HAS3: variants seen among roughly 807,000 people sequenced by gnomAD.
HAS3 encodes hyaluronan synthase 3.
HAS3 carries 27 observed loss-of-function variants against 50.3 expected under a neutral mutation model. That is an observed-to-expected ratio of 0.54 (90% confidence interval 0.40 to 0.74). The LOEUF (loss-of-function observed/expected upper bound fraction) is 0.74, where lower values mean the gene tolerates loss of function less well. Among genes scored for constraint, HAS3 ranks in the 30% least tolerant of loss-of-function variants. The pLI is 0.00. For synonymous variants in HAS3, 339 were observed against 310.9 expected, an observed-to-expected ratio of 1.09 and a Z score of -0.95; for missense variants, 517 against 742.8, an observed-to-expected ratio of 0.70 and a Z score of 3.53.
the HAS3 span, among the ~76,000 whole-genome samples, chr16:69,096,876 C>T: frequency 6.6e-6 from 1 of 151,836 alleles, no homozygotes; most frequent in African/African-American, 2.4e-5. Context: ...CTCAGCCTCC[C>T]AAAGTGCTGG....
At chr16:69,085,325 C>T in the HAS3 span, 2 of 152,348 alleles carry the variant, frequency 1.3e-5, no homozygotes, top group South Asian at 4.1e-4. Flanking sequence ...AAGACACTAT[C>T]TAGTCCAAAA....
At position 69,116,285 on chromosome 16, in the gene HAS3, GGCGGA is replaced by G. The variant is rs1961176984; in HGVS notation, c.*1022_*1026del. ...GTAAGGTTTTCAAGGTGGCAATTGG[GGCGGA>G]GCCCCGGCTCTTATAGAAGCTTCAG... On this transcript the variant is annotated 3_prime_UTR_variant, in exon 4 of 4. Coordinates refer to ENST00000569188, the MANE Select transcript of HAS3 (RefSeq NM_001199280.2). 1.0e-6 allele frequency: 1 copy of G among 985,632 alleles called. No homozygotes were observed. Among genetic ancestry groups the G allele is most frequent in the African/African-American group, 1.7e-5 (1 of 57,254 alleles). The allele number at this position is 985,632 out of a possible 1,614,324, so 61.1% of individuals were successfully genotyped here.
the HAS3 span, among the ~76,000 whole-genome samples, chr16:69,095,727 T>A: frequency 6.6e-6 from 1 of 151,642 alleles, no homozygotes; most frequent in South Asian, 2.1e-4. Flanking sequence ...AAAAAAAAAA[T>A]TAACTGCTGC....
At position 69,116,051 on chromosome 16, in the gene HAS3, C is replaced by T. The variant is rs1961167996; in HGVS notation, c.*785C>T. ...ACGTCTAGATGGGTTCTTAGCTTGT[C>T]TGTGATCTCTGCTGGGGAGATAAAA... On this transcript the variant is annotated 3_prime_UTR_variant, in exon 4 of 4. Coordinates refer to ENST00000569188, the MANE Select transcript of HAS3 (RefSeq NM_001199280.2). The T allele has an allele frequency of 1.0e-6, 1 of 985,620 alleles. No homozygotes were observed. The highest frequency in any genetic ancestry group is 1.2e-6 in the Non-Finnish European group (1 of 829,814). 61.1% of individuals were successfully genotyped at this position (985,620 alleles called of 1,614,324 possible). A position where few individuals can be genotyped will look rare whatever the true frequency, so the allele number is the denominator to read the frequency against.
In HAS3 at chr16:69,109,129, C is replaced by T. The variant is rs1077518; in HGVS notation, c.1-267C>T. 1.3e-5 allele frequency among the ~76,000 whole-genome samples: 2 copies of T among 152,180 alleles called. No homozygotes were observed. The highest frequency in any genetic ancestry group is 1.9e-4 in the East Asian group (1 of 5,196). On this transcript the variant is annotated intron_variant, in intron 1 of 3. Transcript: ENST00000569188. This position sits in a 1 kb window ranked among gnomAD's most constrained non-coding sequence, Gnocchi z 5.3. ...GCTACACTAAGGGCTTTGTATGTGT[C>T]GCCCATTTAACCCTCAAAGATGCCT... is the stretch of plus-strand genomic sequence containing the variant.
In HAS3 at chr16:69,116,444, T is replaced by G. The variant is rs1961185665; in HGVS notation, c.*1178T>G. 1.0e-6 allele frequency: 1 copy of G among 985,758 alleles called. No homozygotes were observed. Among genetic ancestry groups the G allele is most frequent in the South Asian group, 4.7e-5 (1 of 21,292 alleles). 61.1% of individuals were successfully genotyped at this position (985,758 alleles called of 1,614,324 possible). A position where few individuals can be genotyped will look rare whatever the true frequency, so the allele number is the denominator to read the frequency against. ...TTAGCATGTGTGACTTTCAGGCTACTGTTCTTGACAATCATCTCCAATGGA... is the reference window on the plus strand; with the variant it reads ...TTAGCATGTGTGACTTTCAGGCTACGGTTCTTGACAATCATCTCCAATGGA... On this transcript the variant is annotated 3_prime_UTR_variant, in exon 4 of 4. Transcript: ENST00000569188.
At chr16:69,088,466 G>A in the HAS3 span, among the ~76,000 whole-genome samples, 2 of 151,472 alleles carry the variant, frequency 1.3e-5, no homozygotes, top group African/African-American at 4.9e-5. Context: ...AGGCTGAGGC[G>A]GGAGAATCAC....
chr16:69,099,589 G>T, the HAS3 span, among the ~76,000 whole-genome samples: 1 of 151,908 alleles, frequency 6.6e-6, no homozygotes, highest in Non-Finnish European at 1.5e-5. Flanking sequence ...GCCTCCCAAA[G>T]TGCTGGCATT....
chr16:69,095,428 G>A, the HAS3 span, among the ~76,000 whole-genome samples: 1 of 152,158 alleles, frequency 6.6e-6, no homozygotes, highest in East Asian at 1.9e-4. Flanking sequence ...GCCTCTCGGT[G>A]CCAGAAATGC....
In HAS3 at chr16:69,107,420, G is replaced by A. The variant is rs1260119278; in HGVS notation, c.-1+1633G>A. ...TACCAGGAAGAGCAGGGCCTGGTCC[G>A]ACTGGGATCCCTTGGGTTTTCCGTT... On this transcript the variant is annotated intron_variant, in intron 1 of 3. Transcript: ENST00000569188. This position sits in a 1 kb window ranked among gnomAD's most constrained non-coding sequence, Gnocchi z 5.5. 2 of 985,420 alleles carry A rather than the reference G, an allele frequency of 2.0e-6. No individual in the cohort carries two copies. Among genetic ancestry groups the A allele is most frequent in the Admixed American group, 6.1e-5 (1 of 16,274 alleles). The allele number at this position is 985,420 out of a possible 1,614,324, so 61.0% of individuals were successfully genotyped here.
At position 69,109,399 on chromosome 16, in the gene HAS3, C is replaced by A; in HGVS notation, c.4C>A (p.Pro2Thr). 6.3e-7 allele frequency: 1 copy of A among 1,599,990 alleles called. No individual in the cohort carries two copies. Among genetic ancestry groups the A allele is most frequent in the Admixed American group, 1.7e-5 (1 of 59,472 alleles). Residue 2 changes from proline to threonine, a missense_variant, in exon 2 of 4, where the codon CCG becomes ACG. Physicochemically the swap from Pro to Thr is conservative, Grantham distance 38. Coordinates refer to ENST00000569188, the MANE Select transcript of HAS3 (RefSeq NM_001199280.2). The surrounding 1 kb of genome is among the most constrained non-coding windows in gnomAD (Gnocchi z 5.3). The stretch of plus-strand genomic sequence containing the variant: ...ATCTCCTGCCTTCTCTCGCCAGATG[C>A]CGGTGCAGCTGACGACAGCCCTGCG... Reference protein sequence around the residue: MPVQLTTALRVV... With the variant: MTVQLTTALRVV...
At position 69,114,897 on chromosome 16, in the gene HAS3, G is replaced by A. The variant is rs1290448056; in HGVS notation, c.1293G>A (p.Arg431=). Residue 431 remains arginine (R), a synonymous_variant, in exon 4 of 4, where the codon CGG becomes CGA. Coordinates refer to ENST00000569188, the MANE Select transcript of HAS3 (RefSeq NM_001199280.2). This position sits in a 1 kb window ranked among gnomAD's most constrained non-coding sequence, Gnocchi z 6.4. ...AGGCCACCTACGCCTGCTTCCTTCGGGGCAATGCAGAGATGATCTTCATGT... is the reference window on the plus strand; with the variant it reads ...AGGCCACCTACGCCTGCTTCCTTCGAGGCAATGCAGAGATGATCTTCATGT... ...IIKATYACFL[R]GNAEMIFMSL... 1 of 1,614,028 alleles carries A rather than the reference G, an allele frequency of 6.2e-7. No individual in the cohort carries two copies. Among genetic ancestry groups the A allele is most frequent in the Admixed American group, 1.7e-5 (1 of 60,018 alleles).
chr16:69,118,007 G>A (rs1015287502), downstream of HAS3: 23 of 309,150 alleles, frequency 7.4e-5, no homozygotes, highest in Non-Finnish European at 1.2e-4. Context: ...AGTGACACCA[G>A]CAGCCCTCTC....
intron 2 of HAS3, 70 bp downstream of exon 2, chr16:69,110,101 A>G (rs1409630523): frequency 2.1e-6 from 3 of 1,450,276 alleles, no homozygotes; most frequent in African/African-American, 2.8e-5. Context: ...CTCTCCGCCA[A>G]GAATCTGAGG....
chr16:69,094,836 A>C, the HAS3 span, among the ~76,000 whole-genome samples: 58 of 152,274 alleles, frequency 3.8e-4, no homozygotes, highest in Admixed American at 3.5e-3. Flanking sequence ...GGTGTATCGG[A>C]GAGACCTGGG....
Position 69,109,909 on chromosome 16 carries a change from G to C in HAS3, c.514G>C (p.Asp172His). 1 of 1,614,076 alleles carries C rather than the reference G, an allele frequency of 6.2e-7. No individual in the cohort carries two copies. The highest frequency in any genetic ancestry group is 8.5e-7 in the Non-Finnish European group (1 of 1,180,044). Residue 172 changes from aspartate (D) to histidine (H), a missense_variant, in exon 2 of 4, where the codon GAC becomes CAC. By Grantham distance (81) the Asp-to-His change is moderately conservative. Coordinates refer to ENST00000569188, the MANE Select transcript of HAS3 (RefSeq NM_001199280.2). The surrounding 1 kb of genome is among the most constrained non-coding windows in gnomAD (Gnocchi z 5.3). ...ETEASLQEGM[D>H]RVRDVVRAST... ...GGAGGCCAGCCTGCAGGAGGGCATG[G>C]ACCGTGTGCGGGATGTGGTGCGGGC...
At position 69,109,356 on chromosome 16, in the gene HAS3, C is replaced by A; in HGVS notation, c.1-40C>A. ...ATGCTCCCACGGACTGGAAATGCTG[C>A]CTCCTGCCTGACCCTTCATCTCCTG... is the stretch of plus-strand genomic sequence containing the variant. On this transcript the variant is annotated intron_variant, in intron 1 of 3. Transcript: ENST00000569188. The surrounding 1 kb of genome is among the most constrained non-coding windows in gnomAD (Gnocchi z 5.3). 1 of 1,562,128 alleles carries A rather than the reference C, an allele frequency of 6.4e-7. No homozygotes were observed. Among genetic ancestry groups the A allele is most frequent in the South Asian group, 1.2e-5 (1 of 83,742 alleles).
chr16:69,083,634 G>A, the HAS3 span: 1 of 1,568,282 alleles, frequency 6.4e-7, no homozygotes, highest in Non-Finnish European at 8.6e-7. Flanking sequence ...CACAGAAGCT[G>A]GAGAAGAAGA....
chr16:69,117,667 AACT>A (rs1961253475), downstream of HAS3: 1 of 966,990 alleles, frequency 1.0e-6, no homozygotes, highest in Non-Finnish European at 1.2e-6. Context: ...GTTATCTCGA[AACT>A]ACTACTTTGT....
Sources: gnomAD v4.1 joint callset for allele counts (sites outside exome capture counted in the v4.1 genomes callset) on GRCh38, gnomAD v4.1.1 for gene constraint, Gnocchi (gnomAD v3.1) non-coding constraint, MANE v1.5 for transcripts, NCBI Gene and HGNC (gene_info 2026-07-23, HGNC 2026-07-21) for gene names.